The following PCDH15 variants were observed in gnomAD, a reference collection of about 807,000 sequenced individuals.
PCDH15 encodes protocadherin related 15.
PCDH15 carries 129 observed loss-of-function variants against 178.5 expected under a neutral mutation model. The ratio of observed to expected loss-of-function variants is 0.72; its 90% CI spans 0.63 to 0.84. The LOEUF is 0.84. Ranked by LOEUF, PCDH15 falls within the 40% of genes least tolerant of loss-of-function variation. PCDH15 has a pLI of 0.00. For synonymous variants in PCDH15, 800 were observed against 732.0 expected, an observed-to-expected ratio of 1.09 and a Z score of -1.50; for missense variants, 2,230 against 2,099.9, an observed-to-expected ratio of 1.06 and a Z score of -1.21.
intron 1 of PCDH15, among the ~76,000 whole-genome samples, chr10:55,289,334 A>G (rs1159748478): frequency 6.6e-6 from 1 of 151,968 alleles, no homozygotes; most frequent in African/African-American, 2.4e-5. Context: ...CCTGTTTAAT[A>G]AAATCATCTT....
rs543258949 is a variant in PCDH15, at chr10:54,451,803, C to T, written c.158-72861G>A. The stretch of plus-strand genomic sequence containing the variant: ...GGGATTTCAGTGAGAATATATATAC[C>T]CCATCATATTTTATCAAGCTGAAAA... On this transcript the variant is annotated intron_variant, in intron 3 of 37. Transcript: ENST00000644397. Among the ~76,000 whole-genome samples the T allele has an allele frequency of 2.4e-4, 36 of 151,458 alleles. 1 individual carries two copies. In the South Asian group the frequency reaches 4.2e-3, roughly 17 times the overall value.
At chr10:53,879,990 A>G (rs1255395759) in intron 26 of PCDH15, among the ~76,000 whole-genome samples, 1 of 152,176 alleles carries the variant, frequency 6.6e-6, no homozygotes, top group Non-Finnish European at 1.5e-5. Context: ...GCTTCATGAT[A>G]AGCTGATAAA....
chr10:55,012,809 G>A (rs1017404596), intron 2 of PCDH15, among the ~76,000 whole-genome samples: 2 of 151,754 alleles, frequency 1.3e-5, no homozygotes, highest in Non-Finnish European at 2.9e-5. Flanking sequence ...TTCCTCTTCA[G>A]AATCTCTCCT....
chr10:55,291,588 T>C (rs976309678), intron 1 of PCDH15, among the ~76,000 whole-genome samples: 1 of 152,178 alleles, frequency 6.6e-6, no homozygotes, highest in African/African-American at 2.4e-5. Flanking sequence ...CAGATGTCTT[T>C]ACTAAGTTAA....
intron 11 of PCDH15, among the ~76,000 whole-genome samples, chr10:54,191,545 G>GTGA (rs1217553015): frequency 6.6e-6 from 1 of 152,132 alleles, no homozygotes; most frequent in African/African-American, 2.4e-5. Context: ...CCACAAAAAT[G>GTGA]TTCAGGTATC....
In PCDH15 at chr10:55,380,302, G is replaced by A. The variant is rs1252164201; in HGVS notation, c.-155-213651C>T. Among the ~76,000 whole-genome samples, 4 of 152,132 alleles carry A rather than the reference G, an allele frequency of 2.6e-5. No homozygotes were observed. In the East Asian group the frequency reaches 5.8e-4, roughly 22 times the overall value. On this transcript the variant is annotated intron_variant, in intron 2 of 5. Transcript: ENST00000613346. The stretch of plus-strand genomic sequence containing the variant: ...AATATGTGAAAACATTGGTTTTTAA[G>A]TCATAGTTTGAAGAATTTAAGAACT...
chr10:55,503,932 G>T (rs989309262), intron 2 of PCDH15, among the ~76,000 whole-genome samples: 1 of 151,370 alleles, frequency 6.6e-6, no homozygotes, highest in South Asian at 2.1e-4. Flanking sequence ...ATCTGAGAAG[G>T]CTACATACTC....
chr10:55,488,716 A>G (rs1394212435), intron 2 of PCDH15, among the ~76,000 whole-genome samples: 2 of 151,614 alleles, frequency 1.3e-5, no homozygotes, highest in African/African-American at 4.8e-5. Context: ...AAAGAAGAAC[A>G]ACAGTTATTG....
intron 1 of PCDH15, among the ~76,000 whole-genome samples, chr10:54,677,420 G>T (rs973905183): frequency 6.6e-6 from 1 of 152,012 alleles, no homozygotes; most frequent in Non-Finnish European, 1.5e-5. Context: ...CTTGTAAATG[G>T]GGGTGTATGA....
At chr10:55,080,616 G>C (rs1277363304) in intron 2 of PCDH15, among the ~76,000 whole-genome samples, 1 of 152,114 alleles carries the variant, frequency 6.6e-6, no homozygotes. Context: ...TGGAGTCCAG[G>C]AGGGATCTCG....
chr10:55,189,755 G>A (rs541670423), intron 1 of PCDH15, among the ~76,000 whole-genome samples: 7 of 151,844 alleles, frequency 4.6e-5, no homozygotes, highest in African/African-American at 1.7e-4. Flanking sequence ...AATAATGATT[G>A]TAGACTAATA....
chr10:54,580,275 C>G (rs935679383), intron 2 of PCDH15, among the ~76,000 whole-genome samples: 1 of 151,858 alleles, frequency 6.6e-6, no homozygotes, highest in Non-Finnish European at 1.5e-5. Context: ...CATTCAGAAA[C>G]AAGGATGACA....
intron 1 of PCDH15, among the ~76,000 whole-genome samples, chr10:55,213,015 T>G (rs1360825072): frequency 6.6e-6 from 1 of 152,124 alleles, no homozygotes; most frequent in African/African-American, 2.4e-5. Context: ...GCTAGAAACT[T>G]TCTTATTCTT....
At chr10:54,206,743 AAAAAAT>A (rs2050838326) in intron 10 of PCDH15, among the ~76,000 whole-genome samples, 1 of 152,120 alleles carries the variant, frequency 6.6e-6, no homozygotes, top group Admixed American at 6.6e-5. Flanking sequence ...TTCTTGAGAC[AAAAAAT>A]AACAAAGAGT....
At chr10:55,090,336 C>T (rs1413899282) in intron 2 of PCDH15, among the ~76,000 whole-genome samples, 4 of 151,520 alleles carry the variant, frequency 2.6e-5, no homozygotes, top group Non-Finnish European at 5.9e-5. Context: ...AGGGAAAAAT[C>T]CTGCAATAAT....
intron 2 of PCDH15, among the ~76,000 whole-genome samples, chr10:54,996,265 G>A (rs1196290064): frequency 6.6e-6 from 1 of 152,110 alleles, no homozygotes; most frequent in Non-Finnish European, 1.5e-5. Context: ...AGGAAGAATA[G>A]CCTTTGACAT....
chr10:53,990,027 T>C (rs985981521), intron 21 of PCDH15, among the ~76,000 whole-genome samples: 3 of 152,178 alleles, frequency 2.0e-5, no homozygotes, highest in African/African-American at 4.8e-5. Context: ...CGCTAATAGA[T>C]TGTAACAGAA....
At chr10:55,036,208 G>A (rs780127290) in intron 2 of PCDH15, among the ~76,000 whole-genome samples, 8 of 152,098 alleles carry the variant, frequency 5.3e-5, no homozygotes, top group Non-Finnish European at 1.0e-4. Context: ...AAGCAAGAAG[G>A]CTTTTGCTAG....
At position 55,184,514 on chromosome 10, in the gene PCDH15, T is replaced by C. The variant is rs76799344; in HGVS notation, c.-155-17863A>G. The stretch of plus-strand genomic sequence containing the variant: ...AATAAATTTCCATTTCTCAAGAAAG[T>C]TGATGAATAATATGTTACTTGTACA... On this transcript the variant is annotated intron_variant, in intron 1 of 5. Transcript: ENST00000458638. 4.9e-3 allele frequency among the ~76,000 whole-genome samples: 752 copies of C among 152,126 alleles called. 3 individuals are homozygous for C. The highest frequency in any genetic ancestry group is 0.017 in the African/African-American group (701 of 41,552).
Sources: allele counts gnomAD v4.1 joint callset (sites outside exome capture counted in the v4.1 genomes callset), GRCh38; gene constraint gnomAD v4.1.1; transcripts MANE v1.5; gene names NCBI Gene and HGNC (gene_info 2026-07-23, HGNC 2026-07-21).